TBC1D32: variants seen among roughly 807,000 people sequenced by gnomAD.
TBC1D32 encodes the protein TBC1 domain family member 32.
In TBC1D32, 151 loss-of-function variants were observed where a neutral mutation model predicts 170.3. The observed-to-expected ratio is 0.89, with a 90% CI of 0.78 to 1.01. TBC1D32 has a LOEUF of 1.01. Among genes scored for constraint, TBC1D32 ranks in the 50% least tolerant of loss-of-function variants. The pLI is 0.00. For missense variants in TBC1D32, 1,464 were observed against 1,457.1 expected, an observed-to-expected ratio of 1.00 and a Z score of -0.08; for synonymous variants, 498 against 488.0, an observed-to-expected ratio of 1.02 and a Z score of -0.27.
rs761720326 is a variant in TBC1D32, at chr6:121,334,280, GA to G, written c.150del (p.His51ThrfsTer6). ...LLHLEETDEN[F>X]HNYEFVKYLR... ...AAACATCAAAAGCAATTTTACTTGTGAAAATTTTCATCAGTTTCCTCCAGAT... is the reference window on the plus strand; with the variant it reads ...AAACATCAAAAGCAATTTTACTTGTGAAATTTTCATCAGTTTCCTCCAGAT... On this transcript the variant is annotated frameshift_variant, in exon 1 of 32. Coordinates refer to ENST00000398212, the MANE Select transcript of TBC1D32 (RefSeq NM_152730.6). LOFTEE classifies it high-confidence loss of function. 1 of 1,613,810 alleles carries G rather than the reference GA, an allele frequency of 6.2e-7. No homozygotes were observed. The highest frequency in any genetic ancestry group is 8.5e-7 in the Non-Finnish European group (1 of 1,179,818).
intron 9 of TBC1D32, among the ~76,000 whole-genome samples, chr6:121,303,024 C>G (rs1806717082): frequency 1.3e-5 from 2 of 152,110 alleles, no homozygotes; most frequent in South Asian, 4.1e-4. Flanking sequence ...AGCATAAAAG[C>G]CAGTCCTGTT....
At chr6:121,122,791 A>G (rs1780404052) in intron 26 of TBC1D32, among the ~76,000 whole-genome samples, 1 of 152,060 alleles carries the variant, frequency 6.6e-6, no homozygotes, top group South Asian at 2.1e-4. Context: ...AATACAGGAT[A>G]ATTTGTTGCA....
At chr6:121,235,593 A>T (rs1365442096) in intron 20 of TBC1D32, among the ~76,000 whole-genome samples, 1 of 152,030 alleles carries the variant, frequency 6.6e-6, no homozygotes, top group Admixed American at 6.6e-5. Flanking sequence ...TGCCGGTCTC[A>T]CTCCTATCTT....
Position 121,126,473 on chromosome 6 carries a change from A to C in TBC1D32, c.2900-12T>G, listed in dbSNP as rs1247681651. 6.3e-7 allele frequency: 1 copy of C among 1,583,608 alleles called. No homozygotes were observed. The highest frequency in any genetic ancestry group is 1.7e-5 in the Admixed American group (1 of 58,878). On this transcript the variant is annotated splice_polypyrimidine_tract_variant and intron_variant, in intron 25 of 31. Transcript: ENST00000398212. ...TAATTCTATTAAGGCTGTAATAAAC[A>C]AAGGAATAATTAGGATATTAAAGGT... is the stretch of plus-strand genomic sequence containing the variant.
chr6:121,186,084 G>A (rs1789170740), intron 22 of TBC1D32, among the ~76,000 whole-genome samples: 3 of 152,092 alleles, frequency 2.0e-5, no homozygotes, highest in South Asian at 2.1e-4. Flanking sequence ...TTTGTGAAGC[G>A]TAGCGAGAAA....
intron 24 of TBC1D32, among the ~76,000 whole-genome samples, chr6:121,134,890 T>C (rs563860535): frequency 1.3e-5 from 2 of 152,290 alleles, no homozygotes; most frequent in African/African-American, 2.4e-5. Context: ...TACTGCCACA[T>C]GGCCTTCTAG....
At chr6:121,274,023 A>G (rs1340172417) in intron 15 of TBC1D32, among the ~76,000 whole-genome samples, 1 of 152,106 alleles carries the variant, frequency 6.6e-6, no homozygotes, top group Non-Finnish European at 1.5e-5. Flanking sequence ...AAACTCTGTT[A>G]AATTAAAACA....
intron 15 of TBC1D32, among the ~76,000 whole-genome samples, chr6:121,258,795 AT>A (rs1799384394): frequency 6.6e-6 from 1 of 152,158 alleles, no homozygotes; most frequent in Non-Finnish European, 1.5e-5. Flanking sequence ...TCAGTGCTCC[AT>A]TGTGTAAACA....
intron 22 of TBC1D32, among the ~76,000 whole-genome samples, chr6:121,162,562 G>T (rs556348995): frequency 3.3e-4 from 51 of 152,272 alleles, no homozygotes; most frequent in Non-Finnish European, 4.1e-4. Flanking sequence ...GGGCAATCAT[G>T]CAAGAGAAAG....
chr6:121,307,155 G>T (rs1048313704), intron 5 of TBC1D32, among the ~76,000 whole-genome samples: 3 of 150,456 alleles, frequency 2.0e-5, no homozygotes, highest in Non-Finnish European at 4.4e-5. Context: ...CTGGAGGATC[G>T]CTTGAGCCCA....
At chr6:121,307,872 A>G in intron 5 of TBC1D32, 104 bp downstream of exon 5, 1 of 1,350,910 alleles carries the variant, frequency 7.4e-7, no homozygotes, top group Non-Finnish European at 9.9e-7. Flanking sequence ...CAAAAAAAAC[A>G]AAAAAGAAAA....
At chr6:121,271,656 A>C (rs112152101) in intron 15 of TBC1D32, among the ~76,000 whole-genome samples, 3 of 152,170 alleles carry the variant, frequency 2.0e-5, no homozygotes, top group Non-Finnish European at 4.4e-5. Flanking sequence ...CATGGATAGG[A>C]AGAATCAATA....
At chr6:121,307,196 G>GAGGCTCC (rs1311523757) in intron 5 of TBC1D32, among the ~76,000 whole-genome samples, 1 of 151,322 alleles carries the variant, frequency 6.6e-6, no homozygotes, top group Non-Finnish European at 1.5e-5. Context: ...GCAATGTGGT[G>GAGGCTCC]AGGCTCCATC....
rs1439233178 is a variant in TBC1D32, at chr6:121,228,413, A to C, written c.2365-5061T>G. On this transcript the variant is annotated intron_variant, in intron 20 of 31. Coordinates refer to ENST00000398212, the MANE Select transcript of TBC1D32 (RefSeq NM_152730.6). ...TAATACAAATATTAAAGTTAAAAAT[A>C]TCTCTCTTAGCACTGCTTCAACTAT... 3.9e-5 allele frequency among the ~76,000 whole-genome samples: 6 copies of C among 152,120 alleles called. No individual in the cohort carries two copies. In the East Asian group the frequency reaches 1.2e-3, roughly 29 times the overall value.
chr6:121,259,350 GA>G (rs1352149255), intron 15 of TBC1D32, among the ~76,000 whole-genome samples: 1 of 151,688 alleles, frequency 6.6e-6, no homozygotes, highest in Non-Finnish European at 1.5e-5. Context: ...TAATGATTGG[GA>G]AAAATTTGAC....
At chr6:121,277,074 T>G (rs1021908722) in intron 15 of TBC1D32, among the ~76,000 whole-genome samples, 9 of 152,114 alleles carry the variant, frequency 5.9e-5, no homozygotes, top group African/African-American at 2.2e-4. Flanking sequence ...CATCCAACAA[T>G]AGTAGAATAT....
chr6:121,241,361 T>C (rs1796964758), intron 19 of TBC1D32, 104 bp downstream of exon 19: 4 of 949,466 alleles, frequency 4.2e-6, no homozygotes, highest in Non-Finnish European at 6.3e-6. Context: ...AAAAGAATTT[T>C]AGAGTAAATA....
chr6:121,125,562 G>C (rs1054745998), intron 26 of TBC1D32, among the ~76,000 whole-genome samples: 6 of 151,976 alleles, frequency 3.9e-5, no homozygotes, highest in African/African-American at 1.2e-4. Context: ...GTTGCAACGG[G>C]GGGGTCAGAG....
intron 30 of TBC1D32, among the ~76,000 whole-genome samples, chr6:121,095,664 G>GGT (rs1777313374): frequency 6.6e-6 from 1 of 152,106 alleles, no homozygotes; most frequent in South Asian, 2.1e-4. Flanking sequence ...TTTTGTCGAA[G>GGT]GCTTTTACTG....
Sources: gnomAD v4.1 joint callset for allele counts (sites outside exome capture counted in the v4.1 genomes callset) on GRCh38, gnomAD v4.1.1 for gene constraint, MANE v1.5 for transcripts, NCBI Gene and HGNC (gene_info 2026-07-23, HGNC 2026-07-21) for gene names.